Variants in SLC44A5 observed in about 807,000 individuals in gnomAD.
SLC44A5 encodes solute carrier family 44 member 5.
In SLC44A5, 57 loss-of-function variants were observed where a neutral mutation model predicts 101.8. The observed-to-expected ratio is 0.56, with a 90% CI of 0.45 to 0.70. The LOEUF is 0.70. SLC44A5 is among the 30% of genes least tolerant of loss of function. SLC44A5 has a pLI of 0.00. For missense variants in SLC44A5, 737 were observed against 853.1 expected (o/e 0.86, Z 1.70); for synonymous variants, 281 against 290.9 (o/e 0.97, Z 0.35).
At chr1:75,587,005 A>T (rs1345568549) in intron 1 of SLC44A5, among the ~76,000 whole-genome samples, 2 of 152,134 alleles carry the variant, frequency 1.3e-5, no homozygotes, top group Non-Finnish European at 2.9e-5. Context: ...CTCAAAATGC[A>T]GAGCTGGGGC....
intron 5 of SLC44A5, among the ~76,000 whole-genome samples, chr1:75,276,787 G>A (rs1225915564): frequency 6.6e-6 from 1 of 152,128 alleles, no homozygotes; most frequent in African/African-American, 2.4e-5. Context: ...TAGGTATAAG[G>A]GAGATGAGAC....
the SLC44A5 span, among the ~76,000 whole-genome samples, chr1:75,712,026 G>A: frequency 1.3e-5 from 2 of 152,212 alleles, no homozygotes; most frequent in Non-Finnish European, 2.9e-5. Context: ...GGCATTTGAA[G>A]GTGGCATTTA....
At chr1:75,321,712 T>C (rs1557660569) in intron 4 of SLC44A5, among the ~76,000 whole-genome samples, 1 of 152,226 alleles carries the variant, frequency 6.6e-6, no homozygotes. Context: ...GCCTGATTTA[T>C]AAGTTTATTT....
chr1:75,628,610 T>C, the SLC44A5 span, among the ~76,000 whole-genome samples: 1 of 152,124 alleles, frequency 6.6e-6, no homozygotes, highest in Non-Finnish European at 1.5e-5. Flanking sequence ...ATTATATGAA[T>C]AGCAAATGGG....
At chr1:75,514,062 C>T (rs1452871751) in intron 2 of SLC44A5, among the ~76,000 whole-genome samples, 1 of 152,054 alleles carries the variant, frequency 6.6e-6, no homozygotes, top group Non-Finnish European at 1.5e-5. Flanking sequence ...CCAGGTTTGT[C>T]CTGAACTCTT....
chr1:75,525,957 G>A (rs1670386584), intron 2 of SLC44A5, among the ~76,000 whole-genome samples: 1 of 152,140 alleles, frequency 6.6e-6, no homozygotes, highest in Non-Finnish European at 1.5e-5. Context: ...TTTAGAAAAT[G>A]TTTAAAGTTA....
chr1:75,323,286 G>A (rs1329080182), intron 4 of SLC44A5, among the ~76,000 whole-genome samples: 1 of 151,530 alleles, frequency 6.6e-6, no homozygotes, highest in East Asian at 1.9e-4. Flanking sequence ...ATTTTTTATG[G>A]CTGCATAGTG....
intron 2 of SLC44A5, among the ~76,000 whole-genome samples, chr1:75,500,471 C>A (rs1668901748): frequency 6.6e-6 from 1 of 152,012 alleles, no homozygotes; most frequent in Non-Finnish European, 1.5e-5. Flanking sequence ...CCCTTGGAAG[C>A]CATATGTTTA....
chr1:75,320,177 A>G (rs1419812909), intron 4 of SLC44A5, among the ~76,000 whole-genome samples: 1 of 152,158 alleles, frequency 6.6e-6, no homozygotes, highest in East Asian at 1.9e-4. Context: ...ATTTAAATTT[A>G]GTAAAAGCTA....
intron 2 of SLC44A5, among the ~76,000 whole-genome samples, chr1:75,463,872 C>A (rs1268993572): frequency 6.8e-6 from 1 of 147,032 alleles, no homozygotes; most frequent in East Asian, 2.7e-4. Flanking sequence ...AAAGCCTAAA[C>A]AATGAACCAA....
the SLC44A5 span, among the ~76,000 whole-genome samples, chr1:75,641,085 G>A: frequency 3.2e-4 from 48 of 152,068 alleles, no homozygotes; most frequent in African/African-American, 1.1e-3. Context: ...ACAAAGAAAG[G>A]CAACTTTAGA....
At chr1:75,288,837 C>T (rs1395191995) in intron 5 of SLC44A5, among the ~76,000 whole-genome samples, 3 of 152,202 alleles carry the variant, frequency 2.0e-5, no homozygotes, top group Non-Finnish European at 4.4e-5. Flanking sequence ...TGCATCTTCA[C>T]TTTCTTCCCT....
At chr1:75,452,880 A>G (rs1323479824) in intron 2 of SLC44A5, among the ~76,000 whole-genome samples, 1 of 152,210 alleles carries the variant, frequency 6.6e-6, no homozygotes, top group Non-Finnish European at 1.5e-5. Context: ...TGGAGCACAC[A>G]GAATCATAAA....
At chr1:75,269,900 G>A (rs751995427) in intron 6 of SLC44A5, among the ~76,000 whole-genome samples, 1 of 152,140 alleles carries the variant, frequency 6.6e-6, no homozygotes, top group Non-Finnish European at 1.5e-5. Flanking sequence ...GGGAACCCGT[G>A]GGAGATAATT....
At chr1:75,271,230 C>A (rs973049017) in intron 6 of SLC44A5, among the ~76,000 whole-genome samples, 3 of 152,094 alleles carry the variant, frequency 2.0e-5, no homozygotes, top group Non-Finnish European at 4.4e-5. Flanking sequence ...AATTCTACTT[C>A]ATGAATTTTG....
chr1:75,559,912 C>T (rs1672425081), intron 1 of SLC44A5, among the ~76,000 whole-genome samples: 2 of 152,124 alleles, frequency 1.3e-5, no homozygotes, highest in Admixed American at 1.3e-4. Context: ...AATATATACA[C>T]ATGGCCAATA....
intron 2 of SLC44A5, among the ~76,000 whole-genome samples, chr1:75,484,363 G>C (rs1668038824): frequency 6.6e-6 from 1 of 152,218 alleles, no homozygotes; most frequent in African/African-American, 2.4e-5. Flanking sequence ...CAGGCCCCAT[G>C]CCAATCTGAA....
chr1:75,684,575 GC>G, the SLC44A5 span, among the ~76,000 whole-genome samples: 1 of 152,134 alleles, frequency 6.6e-6, no homozygotes, highest in East Asian at 1.9e-4. Context: ...GGAGCTACAG[GC>G]CCCATGCAAG....
At chr1:75,214,702 T>G (rs1221055562) in intron 19 of SLC44A5, 24 bp from the exon 20 acceptor site, 1 of 1,593,342 alleles carries the variant, frequency 6.3e-7, no homozygotes, top group Non-Finnish European at 8.6e-7. Flanking sequence ...TGGCTATTAT[T>G]CTGGAGCCAG....
Sources: gnomAD v4.1 joint callset for allele counts (sites outside exome capture counted in the v4.1 genomes callset) on GRCh38, gnomAD v4.1.1 for gene constraint, MANE v1.5 for transcripts, NCBI Gene and HGNC (gene_info 2026-07-23, HGNC 2026-07-21) for gene names.